POLQ: variants seen among roughly 807,000 people sequenced by gnomAD.
POLQ encodes the protein DNA polymerase theta.
POLQ carries 233 observed loss-of-function variants against 259.2 expected under a neutral mutation model. The observed-to-expected ratio is 0.90, with a 90% confidence interval of 0.81 to 1.00. The LOEUF (loss-of-function observed/expected upper bound fraction) is 1.00. POLQ is among the 50% of genes least tolerant of loss of function. POLQ has a pLI of 0.00. For synonymous variants in POLQ, 1,025 were observed against 1,048.8 expected (o/e 0.98, Z 0.44); for missense variants, 2,871 against 3,051.6 (o/e 0.94, Z 1.39).
intron 28 of POLQ, among the ~76,000 whole-genome samples, chr3:121,433,467 G>A (rs2047518487): frequency 6.6e-6 from 1 of 152,084 alleles, no homozygotes; most frequent in Non-Finnish European, 1.5e-5. Context: ...TCTTTTTATG[G>A]CCAGAAGTGT....
chr3:121,457,022 G>C (rs2047744867), intron 25 of POLQ, among the ~76,000 whole-genome samples: 1 of 152,168 alleles, frequency 6.6e-6, no homozygotes, highest in South Asian at 2.1e-4. Context: ...CATGGTACTG[G>C]TACCAAAACA....
intron 7 of POLQ, among the ~76,000 whole-genome samples, chr3:121,524,467 T>C (rs1474759440): frequency 1.3e-5 from 2 of 152,052 alleles, no homozygotes; most frequent in African/African-American, 4.8e-5. Context: ...GGCAACAGTG[T>C]TCACTCTAGA....
chr3:121,455,220 C>T (rs2047722899), intron 25 of POLQ, among the ~76,000 whole-genome samples: 1 of 146,444 alleles, frequency 6.8e-6, no homozygotes, highest in South Asian at 2.3e-4. Context: ...ATCTCTGGGA[C>T]ACATTCAAAG....
chr3:121,464,610 T>C (rs1320077239), intron 24 of POLQ, among the ~76,000 whole-genome samples: 1 of 144,830 alleles, frequency 6.9e-6, no homozygotes, highest in Non-Finnish European at 1.5e-5. Flanking sequence ...AAATCCAAAC[T>C]GTTCTAAAAT....
chr3:121,452,561 G>A (rs2047688143), intron 25 of POLQ, among the ~76,000 whole-genome samples: 1 of 151,012 alleles, frequency 6.6e-6, no homozygotes, highest in Admixed American at 6.6e-5. Flanking sequence ...GGGATTAGGT[G>A]GTTCAGTGCA....
chr3:121,479,549 G>A (rs12632308), intron 19 of POLQ, among the ~76,000 whole-genome samples: 93,283 of 151,892 alleles, frequency 0.61, 29,259 homozygotes, highest in East Asian at 0.89. Context: ...TGCAACCTCC[G>A]CCTCCGGTAT....
intron 4 of POLQ, among the ~76,000 whole-genome samples, chr3:121,537,884 A>G (rs768072347): frequency 2.0e-5 from 3 of 152,184 alleles, no homozygotes; most frequent in Non-Finnish European, 4.4e-5. Context: ...AAGTGATGCA[A>G]ACTTCAAACC....
intron 6 of POLQ, among the ~76,000 whole-genome samples, chr3:121,531,792 A>G (rs1311512285): frequency 4.6e-5 from 7 of 152,272 alleles, no homozygotes; most frequent in Admixed American, 4.6e-4. Flanking sequence ...GTGTTCACAC[A>G]TAAATGTATT....
At chr3:121,459,617 A>G (rs969665091) in intron 25 of POLQ, among the ~76,000 whole-genome samples, 3 of 151,970 alleles carry the variant, frequency 2.0e-5, no homozygotes, top group Admixed American at 1.3e-4. Context: ...TCCTGACCTC[A>G]TGATCCGCCC....
At chr3:121,433,846 G>T (rs1350205729) in intron 28 of POLQ, among the ~76,000 whole-genome samples, 1 of 152,104 alleles carries the variant, frequency 6.6e-6, no homozygotes, top group East Asian at 1.9e-4. Flanking sequence ...TTATCTTTCA[G>T]GTCCAGCATG....
intron 14 of POLQ, chr3:121,494,615 T>C (rs1022669314): frequency 8.6e-6 from 13 of 1,518,284 alleles, no homozygotes; most frequent in African/African-American, 8.2e-5. Flanking sequence ...GGCTGTCTTC[T>C]TGCCTGCCCT....
At chr3:121,445,786 C>G (rs2047628098) in intron 26 of POLQ, among the ~76,000 whole-genome samples, 1 of 151,900 alleles carries the variant, frequency 6.6e-6, no homozygotes. Context: ...TTGCTTGAAC[C>G]CAGGAGGCAG....
At chr3:121,467,775 T>C (rs866531225) in intron 23 of POLQ, 135 bp from the exon 24 acceptor site, 1 of 845,274 alleles carries the variant, frequency 1.2e-6, no homozygotes, top group Non-Finnish European at 1.8e-6. Context: ...GTGTGGTAGC[T>C]CACACCTGTA....
chr3:121,432,497 C>G, intron 29 of POLQ, 80 bp from the exon 30 acceptor site: 1 of 1,470,394 alleles, frequency 6.8e-7, no homozygotes, highest in Non-Finnish European at 9.1e-7. Context: ...AAGTTATAAA[C>G]CAGACTGGAG....
rs1241922896 is a variant in POLQ, at chr3:121,488,065, C to A, written c.4866G>T (p.Gly1622=). The stretch of plus-strand genomic sequence containing the variant: ...ATATGAATGAATGATTTTGCCTGGT[C>A]CCAGTTAATTTTGATTTTTCAGCCC... The part of the protein sequence containing the change: ...DERAEKSKLT[G]TRQNHSFIWS... The change falls in exon 16 of 30, where the codon GGG becomes GGT. Residue 1622 remains glycine, a synonymous_variant. Coordinates refer to ENST00000264233, the MANE Select transcript of POLQ (RefSeq NM_199420.4). 6.2e-7 allele frequency: 1 copy of A among 1,613,876 alleles called. No individual in the cohort carries two copies. The highest frequency in any genetic ancestry group is 8.5e-7 in the Non-Finnish European group (1 of 1,179,976).
At chr3:121,448,658 C>T (rs997739423) in intron 26 of POLQ, among the ~76,000 whole-genome samples, 2 of 152,014 alleles carry the variant, frequency 1.3e-5, no homozygotes, top group African/African-American at 2.4e-5. Context: ...AGCCACCATG[C>T]CTAGTATTGT....
chr3:121,471,521 C>A (rs1029693391), intron 22 of POLQ, among the ~76,000 whole-genome samples: 1 of 152,110 alleles, frequency 6.6e-6, no homozygotes, highest in African/African-American at 2.4e-5. Context: ...GCAGGTGGAT[C>A]ACCTGAGGTC....
chr3:121,460,561 C>T (rs2047783696), intron 24 of POLQ, among the ~76,000 whole-genome samples: 2 of 152,170 alleles, frequency 1.3e-5, no homozygotes, highest in African/African-American at 4.8e-5. Context: ...TTATTTTGCT[C>T]TGAGTACTTA....
At chr3:121,503,770 C>A (rs2108804962) in intron 12 of POLQ, among the ~76,000 whole-genome samples, 2 of 152,276 alleles carry the variant, frequency 1.3e-5, no homozygotes, top group African/African-American at 4.8e-5. Flanking sequence ...AATTATAATA[C>A]CTAATACCAC....
Sources: gnomAD v4.1 joint callset for allele counts (sites outside exome capture counted in the v4.1 genomes callset) on GRCh38, gnomAD v4.1.1 for gene constraint, MANE v1.5 for transcripts, NCBI Gene and HGNC (gene_info 2026-07-23, HGNC 2026-07-21) for gene names.